USP3: variants seen among roughly 807,000 people sequenced by gnomAD.
USP3 encodes the protein ubiquitin carboxyl-terminal hydrolase 3.
In USP3, 20 loss-of-function variants were observed where a neutral mutation model predicts 72.3. The ratio of observed to expected loss-of-function variants is 0.28; its 90% CI spans 0.19 to 0.40. The LOEUF (loss-of-function observed/expected upper bound fraction) is 0.40. Ranked by LOEUF, USP3 falls within the 10% of genes least tolerant of loss-of-function variation. USP3 has a pLI of 1.00. For synonymous variants in USP3, 222 were observed against 225.3 expected, an observed-to-expected ratio of 0.99 and a Z score of 0.13; for missense variants, 479 against 633.9, an observed-to-expected ratio of 0.76 and a Z score of 2.62.
chr15:63,525,810 A>G (rs1163028326), intron 1 of USP3, among the ~76,000 whole-genome samples: 1 of 152,256 alleles, frequency 6.6e-6, no homozygotes, highest in Non-Finnish European at 1.5e-5. Context: ...GAATGTTTAT[A>G]GAATTTTTAT....
rs1345257552 is a variant in USP3, at chr15:63,591,422, A to T, written c.*596A>T. 6.6e-6 allele frequency: 1 copy of T among 152,222 alleles called. No homozygotes were observed. The highest frequency in any genetic ancestry group is 1.5e-5 in the Non-Finnish European group (1 of 68,042). 9.4% of individuals were successfully genotyped at this position (152,222 alleles called of 1,614,324 possible). ...GCTGCTGTCTTTATCAGCACTAACTAAATAAATTTGTTGGTTCAGTTGTAC... is the reference window on the plus strand; with the variant it reads ...GCTGCTGTCTTTATCAGCACTAACTTAATAAATTTGTTGGTTCAGTTGTAC... On this transcript the variant is annotated 3_prime_UTR_variant, in exon 15 of 15. Transcript: ENST00000380324.
chr15:63,550,464 T>TA (rs1295563563), intron 3 of USP3, among the ~76,000 whole-genome samples: 2 of 152,242 alleles, frequency 1.3e-5, no homozygotes, highest in Non-Finnish European at 2.9e-5. Flanking sequence ...CTGACTTTTT[T>TA]ATATCTAGCT....
In USP3 at chr15:63,548,627, G is replaced by T. The variant is rs150995447; in HGVS notation, c.285-5088G>T. On this transcript the variant is annotated intron_variant, in intron 3 of 14. Coordinates refer to ENST00000380324, the MANE Select transcript of USP3 (RefSeq NM_006537.4). ...ATAGGCGTGAGCCACCTTGCCCAGG[G>T]AATTTTTTATTTTTTAATTTTCATA... Among the ~76,000 whole-genome samples the T allele has an allele frequency of 1.8e-3, 268 of 151,954 alleles. 3 individuals are homozygous for T. The East Asian group carries it at 0.022, about 13-fold the overall frequency.
intron 1 of USP3, among the ~76,000 whole-genome samples, chr15:63,507,889 A>G (rs2065733910): frequency 1.4e-5 from 1 of 73,352 alleles, no homozygotes; most frequent in South Asian, 3.0e-4. Flanking sequence ...ATGCTTACAA[A>G]TAATAATAGA....
At chr15:63,560,908 C>T (rs1422355001) in intron 7 of USP3, among the ~76,000 whole-genome samples, 1 of 152,200 alleles carries the variant, frequency 6.6e-6, no homozygotes, top group Non-Finnish European at 1.5e-5. Flanking sequence ...TCCACACACT[C>T]CCATTCTCAC....
chr15:63,559,844 C>T lies in USP3; in HGVS notation c.534-13C>T, dbSNP rs1223282611. ...TTTCTTTTTAAAATATTTTTCCCTT[C>T]CTTTTAAAATAGTAACATTGAGCAG... is the stretch of plus-strand genomic sequence containing the variant. On this transcript the variant is annotated splice_polypyrimidine_tract_variant and intron_variant, in intron 6 of 14. Coordinates refer to ENST00000380324, the MANE Select transcript of USP3 (RefSeq NM_006537.4). The T allele has an allele frequency of 1.9e-6, 3 of 1,600,520 alleles. No individual in the cohort carries two copies. The highest frequency in any genetic ancestry group is 1.7e-4 in the Middle Eastern group (1 of 6,018).
intron 3 of USP3, among the ~76,000 whole-genome samples, chr15:63,541,313 A>G (rs1189891945): frequency 1.3e-5 from 2 of 152,186 alleles, no homozygotes; most frequent in Non-Finnish European, 2.9e-5. Context: ...TAAAATGAAC[A>G]TAAAGCTTTA....
At chr15:63,548,532 T>C (rs2066389366) in intron 3 of USP3, among the ~76,000 whole-genome samples, 1 of 152,152 alleles carries the variant, frequency 6.6e-6, no homozygotes, top group Non-Finnish European at 1.5e-5. Flanking sequence ...TTCACCATGT[T>C]GGTCAGGCTG....
intron 11 of USP3, among the ~76,000 whole-genome samples, chr15:63,580,663 A>ATATATG (rs2066940399): frequency 3.1e-5 from 2 of 65,046 alleles, no homozygotes; most frequent in Non-Finnish European, 7.0e-5. Flanking sequence ...AATATATAAT[A>ATATATG]TATATATGAA....
intron 1 of USP3, among the ~76,000 whole-genome samples, chr15:63,506,442 A>G (rs1364352054): frequency 6.6e-6 from 1 of 152,178 alleles, no homozygotes; most frequent in Non-Finnish European, 1.5e-5. Flanking sequence ...GCTCTTGCTC[A>G]TCTGTAGTAA....
At chr15:63,585,436 A>G (rs2067039511) in intron 11 of USP3, among the ~76,000 whole-genome samples, 1 of 152,104 alleles carries the variant, frequency 6.6e-6, no homozygotes, top group Non-Finnish European at 1.5e-5. Flanking sequence ...CCTTAAATGT[A>G]TTCCTAAGTA....
chr15:63,562,672 A>C (rs1037648999), intron 7 of USP3, among the ~76,000 whole-genome samples: 1 of 152,378 alleles, frequency 6.6e-6, no homozygotes, highest in East Asian at 1.9e-4. Flanking sequence ...GCATGGGCAC[A>C]CTCAGAGTTA....
rs1408335949 is a variant in USP3, at chr15:63,592,190, A to C, written c.*1364A>C. On this transcript the variant is annotated 3_prime_UTR_variant, in exon 15 of 15. Transcript: ENST00000380324. ...CCTGCCTCAGCCTCCCAAAGTGCTGAGATTACAGGCGTGAGCCATCACGCC... is the reference window on the plus strand; with the variant it reads ...CCTGCCTCAGCCTCCCAAAGTGCTGCGATTACAGGCGTGAGCCATCACGCC... 6.6e-6 allele frequency: 1 copy of C among 151,966 alleles called. No homozygotes were observed. Among genetic ancestry groups the C allele is most frequent in the African/African-American group, 2.4e-5 (1 of 41,368 alleles). 9.4% of individuals were successfully genotyped at this position (151,966 alleles called of 1,614,324 possible). A position where few individuals can be genotyped will look rare whatever the true frequency, so the allele number is the denominator to read the frequency against.
chr15:63,561,999 G>T (rs1595750754), intron 7 of USP3, among the ~76,000 whole-genome samples: 1 of 152,210 alleles, frequency 6.6e-6, no homozygotes, highest in Middle Eastern at 3.4e-3. Context: ...AAAGTCAGAG[G>T]CTGTCTGTCT....
chr15:63,516,252 C>G (rs558119057), intron 1 of USP3, among the ~76,000 whole-genome samples: 2 of 152,312 alleles, frequency 1.3e-5, no homozygotes, highest in African/African-American at 4.8e-5. Flanking sequence ...TAGATAATCT[C>G]CAAGCACTAA....
At chr15:63,556,021 G>T (rs2066502048) in intron 4 of USP3, among the ~76,000 whole-genome samples, 2 of 152,120 alleles carry the variant, frequency 1.3e-5, no homozygotes, top group South Asian at 4.1e-4. Context: ...TTTGAAAATA[G>T]AAATAACTTT....
At chr15:63,519,304 G>A (rs982559721) in intron 1 of USP3, among the ~76,000 whole-genome samples, 3 of 149,774 alleles carry the variant, frequency 2.0e-5, no homozygotes, top group South Asian at 2.1e-4. Context: ...TAGTTCCTCA[G>A]CCTTTGTTTT....
intron 3 of USP3, among the ~76,000 whole-genome samples, chr15:63,542,508 C>G (rs1016527319): frequency 1.3e-5 from 2 of 151,686 alleles, no homozygotes; most frequent in South Asian, 2.1e-4. Flanking sequence ...CAAATCTAAC[C>G]CAGTAAGCTA....
chr15:63,506,352 T>C (rs1390846527), intron 1 of USP3, among the ~76,000 whole-genome samples: 1 of 132,872 alleles, frequency 7.5e-6, no homozygotes, highest in African/African-American at 3.1e-5. Context: ...TTAATTTTTT[T>C]CCCAAAAGAA....
Sources: gnomAD v4.1 joint callset for allele counts (sites outside exome capture counted in the v4.1 genomes callset) on GRCh38, gnomAD v4.1.1 for gene constraint, MANE v1.5 for transcripts, NCBI Gene and HGNC (gene_info 2026-07-23, HGNC 2026-07-21) for gene names.